ASIP: variants seen among roughly 807,000 people sequenced by gnomAD.
The protein encoded by ASIP is agouti signaling protein.
A neutral mutation model predicts 10.3 loss-of-function variants in ASIP; 11 were observed. The ratio of observed to expected loss-of-function variants is 1.07; its 90% CI spans 0.68 to 1.78. ASIP has a LOEUF of 1.78. ASIP is among the 40% of genes most tolerant of loss of function. The pLI is 0.00. For synonymous variants in ASIP, 70 were observed against 70.8 expected, an observed-to-expected ratio of 0.99 and a Z score of 0.06; for missense variants, 180 against 169.2, an observed-to-expected ratio of 1.06 and a Z score of -0.35.
intron 1 of ASIP, among the ~76,000 whole-genome samples, chr20:34,223,188 C>T (rs1354990639): frequency 6.6e-6 from 1 of 151,278 alleles, no homozygotes; most frequent in Non-Finnish European, 1.5e-5. Context: ...GTGAGGAGCG[C>T]CTCTTCCCAG....
In ASIP at chr20:34,263,032, A is replaced by C. The variant is rs912527886; in HGVS notation, c.222+139A>C. On this transcript the variant is annotated intron_variant, in intron 3 of 3. Transcript: ENST00000374954. ...TAACAAAAGAAACTGAAAGCTACTAAAGACTTCCTGGCTTGAGCTCTGAGC... is the reference window on the plus strand; with the variant it reads ...TAACAAAAGAAACTGAAAGCTACTACAGACTTCCTGGCTTGAGCTCTGAGC... The C allele has an allele frequency of 9.9e-6, 10 of 1,008,700 alleles. No homozygotes were observed. In the African/African-American group the frequency reaches 1.5e-4, roughly 15 times the overall value. 62.5% of individuals were successfully genotyped at this position (1,008,700 alleles called of 1,614,324 possible).
At chr20:34,218,349 G>A (rs1157867863) in intron 1 of ASIP, among the ~76,000 whole-genome samples, 1 of 152,174 alleles carries the variant, frequency 6.6e-6, no homozygotes, top group East Asian at 1.9e-4. Flanking sequence ...GTTCACTAAG[G>A]CTATTTGGTG....
At chr20:34,236,792 G>T (rs2035217074), upstream of ASIP, among the ~76,000 whole-genome samples, 3 of 152,310 alleles carry the variant, frequency 2.0e-5, no homozygotes, top group Admixed American at 6.5e-5. Flanking sequence ...TAAGGTGATT[G>T]TATTTGCCTG....
In ASIP at chr20:34,214,779, C is replaced by T. The variant is rs2034996689; in HGVS notation, c.-11+20019C>T. 7 of 1,438,890 alleles carry T rather than the reference C, an allele frequency of 4.9e-6. No individual in the cohort carries two copies. In the South Asian group the frequency reaches 8.0e-5, roughly 16 times the overall value. The allele number at this position is 1,438,890 out of a possible 1,614,324, so 89.1% of individuals were successfully genotyped here. On this transcript the variant is annotated intron_variant, in intron 1 of 3. Coordinates refer to the ASIP transcript ENST00000568305. ...CATTAGCTTTTTGCTGATCCGAGAG[C>T]ACTGTAAGCTGTTTCAAAATATGAA...
At chr20:34,193,412 T>C (rs1178559278), upstream of ASIP, among the ~76,000 whole-genome samples, 1 of 152,138 alleles carries the variant, frequency 6.6e-6, no homozygotes, top group South Asian at 2.1e-4. Flanking sequence ...GATGTTGGAA[T>C]TGGCCTTTTT....
chr20:34,256,299 C>T (rs1216795792), intron 1 of ASIP, among the ~76,000 whole-genome samples: 1 of 152,112 alleles, frequency 6.6e-6, no homozygotes, highest in Non-Finnish European at 1.5e-5. Flanking sequence ...GCCAGGCATT[C>T]GGGGCCATTA....
intron 1 of ASIP, among the ~76,000 whole-genome samples, chr20:34,208,576 C>T (rs2034952945): frequency 6.6e-6 from 1 of 152,118 alleles, no homozygotes; most frequent in African/African-American, 2.4e-5. Context: ...TTGACTCAAA[C>T]TCCTGGGCTC....
At chr20:34,237,228 T>C (rs1269644436), upstream of ASIP, among the ~76,000 whole-genome samples, 2 of 150,828 alleles carry the variant, frequency 1.3e-5, no homozygotes, top group Non-Finnish European at 2.9e-5. Context: ...TGAGATTCCA[T>C]ACAAATTTTA....
At chr20:34,223,574 C>T (rs1354142422) in intron 1 of ASIP, among the ~76,000 whole-genome samples, 7 of 146,584 alleles carry the variant, frequency 4.8e-5, no homozygotes, top group Non-Finnish European at 7.4e-5. Context: ...CCTGGCCAGC[C>T]GTGCCCTCCG....
At chr20:34,205,413 G>C (rs536576626) in intron 1 of ASIP, among the ~76,000 whole-genome samples, 1 of 151,438 alleles carries the variant, frequency 6.6e-6, no homozygotes, top group Non-Finnish European at 1.5e-5. Flanking sequence ...CATTCCTCCC[G>C]CTGGGCTCGT....
chr20:34,188,611 A>AT, the ASIP span, among the ~76,000 whole-genome samples: 1 of 152,070 alleles, frequency 6.6e-6, no homozygotes, highest in African/African-American at 2.4e-5. Flanking sequence ...TGTATTATTA[A>AT]TTTTTTCTAG....
chr20:34,259,288 G>A (rs906524617), intron 1 of ASIP, among the ~76,000 whole-genome samples: 7 of 152,012 alleles, frequency 4.6e-5, no homozygotes, highest in African/African-American at 9.6e-5. Context: ...AGTGGCTGGC[G>A]GATCACTTGA....
Position 34,269,206 on chromosome 20 carries a change from G to T in ASIP, c.*39G>T, listed in dbSNP as rs940221932. The T allele has an allele frequency of 1.2e-5, 17 of 1,448,678 alleles. No individual in the cohort carries two copies. In the Middle Eastern group the frequency reaches 7.4e-4, roughly 63 times the overall value. 89.7% of individuals were successfully genotyped at this position (1,448,678 alleles called of 1,614,324 possible). ...CGGCCGCGAGCAGGCAGGGCTTCGGGGACGCGGGGCGCTTCTCGGGCGGGT... is the reference window on the plus strand; with the variant it reads ...CGGCCGCGAGCAGGCAGGGCTTCGGTGACGCGGGGCGCTTCTCGGGCGGGT... On this transcript the variant is annotated 3_prime_UTR_variant, in exon 4 of 4. Transcript: ENST00000374954.
At chr20:34,256,269 A>G (rs1055552278) in intron 1 of ASIP, among the ~76,000 whole-genome samples, 1 of 152,104 alleles carries the variant, frequency 6.6e-6, no homozygotes, top group Non-Finnish European at 1.5e-5. Flanking sequence ...CTTGTCTTGT[A>G]TCCAATAAAT....
At chr20:34,189,159 A>G in the ASIP span, among the ~76,000 whole-genome samples, 3 of 152,174 alleles carry the variant, frequency 2.0e-5, no homozygotes, top group South Asian at 6.2e-4. Context: ...AGGTTAAACA[A>G]AACCTCAAGC....
intron 1 of ASIP, among the ~76,000 whole-genome samples, chr20:34,212,562 T>C (rs1194104860): frequency 6.6e-6 from 1 of 152,208 alleles, no homozygotes; most frequent in Admixed American, 6.5e-5. Flanking sequence ...ATCTACTGTC[T>C]ATTTTACAAT....
intron 1 of ASIP, chr20:34,215,357 A>C: frequency 6.4e-7 from 1 of 1,573,628 alleles, no homozygotes; most frequent in South Asian, 1.1e-5. Context: ...TTTGGAATGC[A>C]CTGTTCCCTC....
intron 1 of ASIP, among the ~76,000 whole-genome samples, chr20:34,242,192 TTTTTA>T (rs1020209368): frequency 4.0e-5 from 6 of 151,568 alleles, no homozygotes; most frequent in Admixed American, 1.3e-4. Context: ...CTTTTTAAAA[TTTTTA>T]TTTTATTTTA....
chr20:34,205,152 G>T (rs2034926139), intron 1 of ASIP, among the ~76,000 whole-genome samples: 1 of 152,224 alleles, frequency 6.6e-6, no homozygotes, highest in South Asian at 2.1e-4. Flanking sequence ...TAAAGATGGT[G>T]TGTCCGGAGT....
Sources: allele counts gnomAD v4.1 joint callset (sites outside exome capture counted in the v4.1 genomes callset), GRCh38; gene constraint gnomAD v4.1.1; transcripts MANE v1.5; gene names NCBI Gene and HGNC (gene_info 2026-07-23, HGNC 2026-07-21).